Variants in UBE2L3 observed in about 807,000 individuals in gnomAD.
UBE2L3 encodes the protein ubiquitin-conjugating enzyme E2 L3.
A neutral mutation model predicts 17.8 loss-of-function variants in UBE2L3; 1 was observed. That is an observed-to-expected ratio of 0.06 (90% CI 0.02 to 0.27). The LOEUF is 0.27. Ranked by LOEUF, UBE2L3 falls within the 10% of genes least tolerant of loss-of-function variation. The pLI, the probability that UBE2L3 is intolerant of heterozygous loss-of-function variation, is 1.00. For synonymous variants in UBE2L3, 44 were observed against 68.5 expected (o/e 0.64, Z 1.76); for missense variants, 40 against 192.6 (o/e 0.21, Z 4.69).
chr22:21,605,495 TC>T (rs1371571975), intron 2 of UBE2L3, among the ~76,000 whole-genome samples: 2 of 152,010 alleles, frequency 1.3e-5, no homozygotes, highest in African/African-American at 4.8e-5. Flanking sequence ...AGATAGGGTT[TC>T]TTTTTTTTCT....
At chr22:21,578,064 A>G (rs1293602295) in intron 1 of UBE2L3, among the ~76,000 whole-genome samples, 1 of 152,182 alleles carries the variant, frequency 6.6e-6, no homozygotes, top group African/African-American at 2.4e-5. Flanking sequence ...CCTCTCATTA[A>G]GAACAGTCAG....
At chr22:21,566,518 C>T (rs1323471562), upstream of UBE2L3, among the ~76,000 whole-genome samples, 4 of 151,174 alleles carry the variant, frequency 2.6e-5, no homozygotes, top group Non-Finnish European at 4.4e-5. Flanking sequence ...CCTAGGAGGT[C>T]GAGGCGGCAG....
At chr22:21,596,024 C>G (rs1337063561) in intron 2 of UBE2L3, among the ~76,000 whole-genome samples, 3 of 152,096 alleles carry the variant, frequency 2.0e-5, no homozygotes, top group African/African-American at 7.2e-5. Context: ...CACCACCACA[C>G]CCCGCTAATT....
At chr22:21,582,042 C>T (rs576696337) in intron 1 of UBE2L3, among the ~76,000 whole-genome samples, 5 of 151,480 alleles carry the variant, frequency 3.3e-5, no homozygotes, top group Admixed American at 1.3e-4. Context: ...ATCGCTTGAA[C>T]CTGGGAGGCG....
chr22:21,599,410 C>G (rs1369313178), intron 2 of UBE2L3, among the ~76,000 whole-genome samples: 1 of 152,084 alleles, frequency 6.6e-6, no homozygotes, highest in Non-Finnish European at 1.5e-5. Flanking sequence ...AAGAGTATCC[C>G]CCTACATTGA....
intron 2 of UBE2L3, among the ~76,000 whole-genome samples, chr22:21,606,400 A>G (rs527938157): frequency 3.3e-5 from 5 of 152,132 alleles, no homozygotes; most frequent in African/African-American, 1.2e-4. Flanking sequence ...GCTCACTGCA[A>G]CCTCTGCCTC....
chr22:21,563,659 C>A (rs1926532828), upstream of UBE2L3, among the ~76,000 whole-genome samples: 2 of 146,100 alleles, frequency 1.4e-5, no homozygotes, highest in Admixed American at 1.4e-4. Flanking sequence ...TCACTGCAAC[C>A]TCCCCCTCCC....
intron 2 of UBE2L3, among the ~76,000 whole-genome samples, chr22:21,600,195 C>A (rs1928779765): frequency 6.6e-6 from 1 of 151,826 alleles, no homozygotes; most frequent in South Asian, 2.1e-4. Flanking sequence ...CGCCTGTAAT[C>A]CCAGCAATTT....
chr22:21,562,197 T>C, intron 1 of UBE2L3, among the ~76,000 whole-genome samples: 1 of 148,028 alleles, frequency 6.8e-6, no homozygotes, highest in African/African-American at 2.5e-5. Context: ...CTTTTTTTTT[T>C]CTTTTTTTTT....
chr22:21,603,910 T>TA (rs1430595504), intron 2 of UBE2L3, among the ~76,000 whole-genome samples: 2 of 142,158 alleles, frequency 1.4e-5, no homozygotes, highest in East Asian at 3.9e-4. Flanking sequence ...TTTTTTGATT[T>TA]TTTTTTTTTT....
chr22:21,619,842 C>CT, intron 3 of UBE2L3, among the ~76,000 whole-genome samples: 1 of 152,170 alleles, frequency 6.6e-6, no homozygotes, highest in East Asian at 1.9e-4. Flanking sequence ...TAGGCATGGG[C>CT]CACCATGCCT....
At chr22:21,604,537 A>G (rs1929045742) in intron 2 of UBE2L3, among the ~76,000 whole-genome samples, 1 of 152,290 alleles carries the variant, frequency 6.6e-6, no homozygotes, top group African/African-American at 2.4e-5. Flanking sequence ...TTTATTTGAC[A>G]TTGAAATGTT....
chr22:21,575,887 C>A (rs1016778906), intron 1 of UBE2L3, among the ~76,000 whole-genome samples: 1 of 151,842 alleles, frequency 6.6e-6, no homozygotes. Flanking sequence ...GGCGATCCAC[C>A]CACCTTAGCC....
chr22:21,568,137 GC>G, intron 1 of UBE2L3: 1 of 1,036,000 alleles, frequency 9.7e-7, no homozygotes, highest in Non-Finnish European at 1.2e-6. Context: ...TTCGGGGAAG[GC>G]CCGAGCGCCG....
intron 3 of UBE2L3, among the ~76,000 whole-genome samples, chr22:21,612,930 C>T (rs1459966422): frequency 6.6e-6 from 1 of 152,178 alleles, no homozygotes; most frequent in Non-Finnish European, 1.5e-5. Context: ...AGCCATCATG[C>T]CCGGCGAGCC....
chr22:21,604,470 G>C (rs957205002), intron 2 of UBE2L3, among the ~76,000 whole-genome samples: 2 of 152,168 alleles, frequency 1.3e-5, no homozygotes, highest in Non-Finnish European at 2.9e-5. Flanking sequence ...TTACACTCCA[G>C]CCTGGGCAAG....
intron 1 of UBE2L3, among the ~76,000 whole-genome samples, chr22:21,570,531 T>G (rs139206765): frequency 1.3e-5 from 2 of 152,322 alleles, no homozygotes; most frequent in Non-Finnish European, 2.9e-5. Flanking sequence ...TGACTCTTCC[T>G]GGCTCCAGGA....
upstream of UBE2L3, chr22:21,567,610 G>T (rs1221678404): frequency 1.3e-6 from 2 of 1,520,634 alleles, no homozygotes; most frequent in Admixed American, 2.2e-5. Context: ...AGCACAGTGG[G>T]AAGCACACAG....
chr22:21,580,232 A>G (rs148961120), intron 1 of UBE2L3, among the ~76,000 whole-genome samples: 1 of 152,304 alleles, frequency 6.6e-6, no homozygotes, highest in African/African-American at 2.4e-5. Context: ...AGTCCTGGGC[A>G]TGCTCTATAC....
Sources: gnomAD v4.1 joint callset for allele counts (sites outside exome capture counted in the v4.1 genomes callset) on GRCh38, gnomAD v4.1.1 for gene constraint, MANE v1.5 for transcripts, NCBI Gene and HGNC (gene_info 2026-07-23, HGNC 2026-07-21) for gene names.